Variants in WWOX observed in about 807,000 individuals in gnomAD.
WWOX encodes WW domain-containing oxidoreductase.
In WWOX, 69 loss-of-function variants were observed where a neutral mutation model predicts 46.2. The observed-to-expected ratio is 1.49, with a 90% CI of 1.23 to 1.82. The LOEUF (loss-of-function observed/expected upper bound fraction) is 1.82, where lower values mean the gene tolerates loss of function less well. WWOX is among the 40% of genes most tolerant of loss of function. The pLI is 0.00. For missense variants in WWOX, 919 were observed against 542.6 expected (o/e 1.69, Z -6.89); for synonymous variants, 359 against 202.6 (o/e 1.77, Z -6.56).
rs1275431213 is a variant in WWOX at position 79,092,402 on chromosome 16, C to G, written c.1057-119206C>G. Among the ~76,000 whole-genome samples the G allele has an allele frequency of 2.0e-5, 3 of 152,252 alleles. 1 individual carries two copies. The South Asian group carries it at 6.2e-4, about 32-fold the overall frequency. On this transcript the variant is annotated intron_variant, in intron 8 of 8. Coordinates refer to ENST00000566780, the MANE Select transcript of WWOX (RefSeq NM_016373.4). ...TCTTTAATATTAATAAAGCCAGAGG[C>G]GATATCACTTAGTTGTTCCAACATG...
At chr16:78,637,788 C>T (rs1185882191) in intron 8 of WWOX, among the ~76,000 whole-genome samples, 4 of 152,110 alleles carry the variant, frequency 2.6e-5, no homozygotes, top group Non-Finnish European at 4.4e-5. Flanking sequence ...TGTAGGGGAC[C>T]TAGGGCCTGG....
intron 8 of WWOX, among the ~76,000 whole-genome samples, chr16:79,198,002 A>C (rs1445368032): frequency 6.6e-6 from 1 of 152,168 alleles, no homozygotes; most frequent in Non-Finnish European, 1.5e-5. Flanking sequence ...TCAATTGGTC[A>C]TCTACCAAAA....
rs559988443 is a variant in WWOX at position 78,342,574 on chromosome 16, G to T, written c.517-44286G>T. On this transcript the variant is annotated intron_variant, in intron 5 of 8. Transcript: ENST00000566780. ...GATGTGAGAAGCACATGGGTGTTGG[G>T]AGAGCACTAAAGGTCTCTAGCCCAG... Among the ~76,000 whole-genome samples, 3 of 120,576 alleles carry T rather than the reference G, an allele frequency of 2.5e-5. No homozygotes were observed. In the South Asian group the frequency reaches 7.4e-4, roughly 30 times the overall value. 79.1% of individuals were successfully genotyped at this position (120,576 alleles called of 152,430 possible).
intron 5 of WWOX, among the ~76,000 whole-genome samples, chr16:78,385,566 A>C (rs1441063762): frequency 6.6e-6 from 1 of 152,104 alleles, no homozygotes; most frequent in Non-Finnish European, 1.5e-5. Context: ...AAAGCTTAGG[A>C]CTTGGATTAG....
intron 8 of WWOX, among the ~76,000 whole-genome samples, chr16:78,591,434 C>T (rs74417605): frequency 0.017 from 2,537 of 152,276 alleles, 54 homozygotes; most frequent in East Asian, 0.081. Flanking sequence ...CGTAGACCTT[C>T]CCTCACACTT....
At chr16:78,868,666 T>C (rs997703437) in intron 8 of WWOX, among the ~76,000 whole-genome samples, 1 of 152,188 alleles carries the variant, frequency 6.6e-6, no homozygotes, top group Non-Finnish European at 1.5e-5. Flanking sequence ...TCCAACAGTT[T>C]AGCAAGAGTC....
chr16:78,979,216 G>C (rs2046633139), intron 8 of WWOX, among the ~76,000 whole-genome samples: 1 of 151,648 alleles, frequency 6.6e-6, no homozygotes, highest in South Asian at 2.1e-4. Flanking sequence ...CATTATTAGA[G>C]AACATTTGGA....
At chr16:78,188,796 G>A (rs1323677960) in intron 5 of WWOX, among the ~76,000 whole-genome samples, 4 of 152,188 alleles carry the variant, frequency 2.6e-5, no homozygotes, top group African/African-American at 7.2e-5. Context: ...TTTTGAAATC[G>A]TATCAGTGGT....
chr16:78,959,623 G>A (rs1232025378), intron 8 of WWOX, among the ~76,000 whole-genome samples: 1 of 152,112 alleles, frequency 6.6e-6, no homozygotes, highest in African/African-American at 2.4e-5. Context: ...TGATAGGAAG[G>A]CCAGTGTCTT....
chr16:78,913,487 T>G (rs1184661102), intron 8 of WWOX, among the ~76,000 whole-genome samples: 1 of 151,874 alleles, frequency 6.6e-6, no homozygotes, highest in East Asian at 1.9e-4. Flanking sequence ...CATGATGATG[T>G]TGGAAGCCAT....
At chr16:78,601,452 AAG>A (rs2045620719) in intron 8 of WWOX, among the ~76,000 whole-genome samples, 1 of 151,354 alleles carries the variant, frequency 6.6e-6, no homozygotes, top group South Asian at 2.1e-4. Context: ...AAAAAAAAAA[AAG>A]AAAGGAAAAA....
intron 6 of WWOX, among the ~76,000 whole-genome samples, chr16:78,397,426 G>C (rs1380647550): frequency 6.6e-6 from 1 of 152,126 alleles, no homozygotes; most frequent in African/African-American, 2.4e-5. Context: ...GTGTTTAATG[G>C]TTCAGCCTGG....
Position 78,164,396 on chromosome 16 carries a change from T to C in WWOX, c.516+107T>C, listed in dbSNP as rs1026819146. 4.0e-6 allele frequency: 4 copies of C among 991,332 alleles called. No homozygotes were observed. The African/African-American group carries it at 6.5e-5, about 16-fold the overall frequency. The allele number at this position is 991,332 out of a possible 1,614,324, so 61.4% of individuals were successfully genotyped here. A position where few individuals can be genotyped will look rare whatever the true frequency, so the allele number is the denominator to read the frequency against. ...GTAAAGTTTATTGCTCTTGGAATCA[T>C]GTCTTTATTTTTAAAGTCATCTTCA... On this transcript the variant is annotated intron_variant, in intron 5 of 8. Coordinates refer to ENST00000566780, the MANE Select transcript of WWOX (RefSeq NM_016373.4).
intron 8 of WWOX, among the ~76,000 whole-genome samples, chr16:79,002,518 C>T (rs13337599): frequency 0.12 from 18,194 of 152,144 alleles, 1,240 homozygotes; most frequent in East Asian, 0.26. Context: ...CCACCGCACC[C>T]GGCCCCTGCC....
At chr16:78,890,390 C>A (rs1458567768) in intron 8 of WWOX, 1 of 152,200 alleles carries the variant, frequency 6.6e-6, no homozygotes, top group African/African-American at 2.4e-5. Context: ...CTCCATCATT[C>A]TTAATCCTCA....
intron 8 of WWOX, among the ~76,000 whole-genome samples, chr16:78,994,969 C>CTTCTTCTTCTTT (rs1382826788): frequency 8.7e-6 from 1 of 114,644 alleles, no homozygotes; most frequent in Non-Finnish European, 1.7e-5. Context: ...TCTTCTTCTT[C>CTTCTTCTTCTTT]TTTTTTTTTT....
chr16:78,818,143 G>A (rs2051391060), intron 8 of WWOX, among the ~76,000 whole-genome samples: 1 of 152,162 alleles, frequency 6.6e-6, no homozygotes, highest in African/African-American at 2.4e-5. Flanking sequence ...TGATTGGGTG[G>A]GCTGCCCCAG....
At chr16:78,996,384 C>CCT in intron 8 of WWOX, 1 of 787,450 alleles carries the variant, frequency 1.3e-6, no homozygotes, top group African/African-American at 2.2e-5. Flanking sequence ...CCACCCCCGC[C>CCT]CCCCAGCTTC....
At position 78,934,337 on chromosome 16, in the gene WWOX, C is replaced by CAAAAAAAAAAAAAAAAAAAAAA. The variant is rs747448353; in HGVS notation, c.1057-277257_1057-277256insAAAAAAAAAAAAAAAAAAAAAA. 1.1e-3 allele frequency among the ~76,000 whole-genome samples: 83 copies of CAAAAAAAAAAAAAAAAAAAAAA among 78,202 alleles called. 3 individuals carry two copies. Among genetic ancestry groups the CAAAAAAAAAAAAAAAAAAAAAA allele is most frequent in the Non-Finnish European group, 1.5e-3 (60 of 41,370 alleles). 51.3% of individuals were successfully genotyped at this position (78,202 alleles called of 152,430 possible). A position where few individuals can be genotyped will look rare whatever the true frequency, so the allele number is the denominator to read the frequency against. On this transcript the variant is annotated intron_variant, in intron 8 of 8. Coordinates refer to ENST00000566780, the MANE Select transcript of WWOX (RefSeq NM_016373.4). ...TGGGCGACAGAGCAAGTCTCCGTCT[C>CAAAAAAAAAAAAAAAAAAAAAA]AAAAAAAAAAAAAAGAAGAAACTTA...
Sources: gnomAD v4.1 joint callset for allele counts (sites outside exome capture counted in the v4.1 genomes callset) on GRCh38, gnomAD v4.1.1 for gene constraint, MANE v1.5 for transcripts, NCBI Gene and HGNC (gene_info 2026-07-23, HGNC 2026-07-21) for gene names.